The following ATAD2 variants were observed in gnomAD, a reference collection of about 807,000 sequenced individuals.
ATAD2 encodes the protein ATPase family AAA domain containing 2.
A neutral mutation model predicts 168.9 loss-of-function variants in ATAD2; 62 were observed. That is an observed-to-expected ratio of 0.37 (90% confidence interval 0.30 to 0.45). The LOEUF is 0.45. ATAD2 is among the 20% of genes least tolerant of loss of function. The probability of loss-of-function intolerance (pLI) is 1.00; values close to 1 mark genes in which losing one functional copy is unlikely to be tolerated. For missense variants in ATAD2, 1,419 were observed against 1,667.8 expected, an observed-to-expected ratio of 0.85 and a Z score of 2.60; for synonymous variants, 613 against 571.6, an observed-to-expected ratio of 1.07 and a Z score of -1.03.
intron 26 of ATAD2, 77 bp downstream of exon 26, chr8:123,325,816 A>C: frequency 6.5e-7 from 1 of 1,529,744 alleles, no homozygotes; most frequent in Non-Finnish European, 8.9e-7. Context: ...ATGTAGCCAG[A>C]ATGCTACTAG....
chr8:123,371,859 TAAATAG>T (rs752191420), intron 3 of ATAD2, 24 bp from the exon 4 acceptor site: 1 of 1,523,756 alleles, frequency 6.6e-7, no homozygotes, highest in Non-Finnish European at 8.8e-7. Flanking sequence ...TACATAAAAA[TAAATAG>T]AAACATTTGA....
intron 1 of ATAD2, among the ~76,000 whole-genome samples, chr8:123,410,848 A>G (rs1813144217): frequency 1.3e-5 from 2 of 152,280 alleles, no homozygotes; most frequent in East Asian, 1.9e-4. Flanking sequence ...TGTGCTCCTG[A>G]TCCAGCGAGG....
chr8:123,377,351 C>T (rs1368716447), intron 2 of ATAD2, among the ~76,000 whole-genome samples: 1 of 151,946 alleles, frequency 6.6e-6, no homozygotes, highest in African/African-American at 2.4e-5. Context: ...CAAGTCATTC[C>T]TCTTTAAATC....
chr8:123,389,317 C>T (rs1458394808), intron 1 of ATAD2, among the ~76,000 whole-genome samples: 1 of 149,196 alleles, frequency 6.7e-6, no homozygotes, highest in East Asian at 2.0e-4. Context: ...GACAAGCAGT[C>T]CCAACCTCTT....
upstream of ATAD2, among the ~76,000 whole-genome samples, chr8:123,399,362 G>C (rs956502232): frequency 6.6e-5 from 10 of 152,126 alleles, no homozygotes; most frequent in Non-Finnish European, 1.5e-5. Context: ...TCTAAGCATA[G>C]TTAGAGGTGC....
chr8:123,346,878 G>A, intron 16 of ATAD2, 128 bp from the exon 17 acceptor site: 3 of 1,144,902 alleles, frequency 2.6e-6, no homozygotes, highest in Non-Finnish European at 3.7e-6. Flanking sequence ...GTGTAGATAT[G>A]AATTAATAAG....
chr8:123,374,286 G>A (rs1586893354), intron 2 of ATAD2, among the ~76,000 whole-genome samples: 1 of 152,194 alleles, frequency 6.6e-6, no homozygotes, highest in South Asian at 2.1e-4. Flanking sequence ...CTGGGAGGCA[G>A]TGGCTGCACT....
At chr8:123,334,356 T>C (rs745694293) in intron 22 of ATAD2, 34 bp from the exon 23 acceptor site, 70 of 1,466,716 alleles carry the variant, frequency 4.8e-5, no homozygotes, top group Non-Finnish European at 6.3e-5. Context: ...ATTTTTAATT[T>C]CCCCCTTTTA....
At chr8:123,328,692 T>C in intron 24 of ATAD2, 113 bp from the exon 25 acceptor site, 1 of 1,104,244 alleles carries the variant, frequency 9.1e-7, no homozygotes, top group Non-Finnish European at 1.2e-6. Flanking sequence ...CACAGTATTT[T>C]GTATGATTAA....
At chr8:123,354,816 C>A (rs1211638814) in intron 13 of ATAD2, among the ~76,000 whole-genome samples, 2 of 99,740 alleles carry the variant, frequency 2.0e-5, no homozygotes, top group South Asian at 3.7e-4. Context: ...CCAGCCTGGG[C>A]AACAGAGCAA....
Position 123,402,169 on chromosome 8 carries a change from C to A in ATAD2, c.-2281-994G>T. 3 of 683,862 alleles carry A rather than the reference C, an allele frequency of 4.4e-6. No individual in the cohort carries two copies. The highest frequency in any genetic ancestry group is 2.7e-5 in the East Asian group (1 of 36,914). 42.4% of individuals were successfully genotyped at this position (683,862 alleles called of 1,614,324 possible). A position where few individuals can be genotyped will look rare whatever the true frequency, so the allele number is the denominator to read the frequency against. On this transcript the variant is annotated intron_variant, in intron 1 of 28. Transcript: ENST00000521903. The surrounding 1 kb of genome is among the most constrained non-coding windows in gnomAD (Gnocchi z 4.8). Reference sequence around the variant, plus strand: ...CCCCAGTGTCCACCTTCGGGCATAGCCTCCCTCCATCACTGAGTGGTCCAC... The same window carrying A: ...CCCCAGTGTCCACCTTCGGGCATAGACTCCCTCCATCACTGAGTGGTCCAC...
chr8:123,336,313 AC>A, intron 22 of ATAD2, 59 bp downstream of exon 22: 12 of 1,439,134 alleles, frequency 8.3e-6, no homozygotes, highest in Non-Finnish European at 1.1e-5. Flanking sequence ...ACAAAAATCA[AC>A]CCTAAGTGTT....
upstream of ATAD2, chr8:123,401,064 C>T (rs1486264958): frequency 2.5e-5 from 39 of 1,572,878 alleles, 1 homozygote; most frequent in Middle Eastern, 4.5e-4. Context: ...CCCGAGACAT[C>T]GACTTTCTTG....
intron 1 of ATAD2, among the ~76,000 whole-genome samples, chr8:123,406,914 T>C (rs1203290812): frequency 1.3e-5 from 2 of 152,024 alleles, no homozygotes; most frequent in East Asian, 3.8e-4. Context: ...CCTCCCCTTG[T>C]GAATGTGATC....
At chr8:123,327,438 A>C (rs1827643941) in intron 25 of ATAD2, among the ~76,000 whole-genome samples, 1 of 152,168 alleles carries the variant, frequency 6.6e-6, no homozygotes, top group Admixed American at 6.5e-5. Context: ...TATTATTGCT[A>C]ATTACTCAAA....
intron 19 of ATAD2, among the ~76,000 whole-genome samples, chr8:123,341,182 T>A (rs1333882424): frequency 6.6e-6 from 1 of 152,188 alleles, no homozygotes; most frequent in African/African-American, 2.4e-5. Flanking sequence ...GGTATTAAAA[T>A]ATTTTACCCA....
In ATAD2 at chr8:123,346,636, T is replaced by A. The variant is rs1235595256; in HGVS notation, c.2327A>T (p.Asn776Ile). 1 of 1,564,710 alleles carries A rather than the reference T, an allele frequency of 6.4e-7. No homozygotes were observed. Among genetic ancestry groups the A allele is most frequent in the African/African-American group, 1.4e-5 (1 of 72,532 alleles). Residue 776 changes from asparagine to isoleucine, a missense_variant, in exon 17 of 28, where the codon AAT (asparagine) becomes ATT (isoleucine). Asn to Ile is a moderately radical substitution (Grantham distance 149, BLOSUM62 -3). Around this residue, in one of 5 missense-constraint regions of ATAD2, gnomAD observed 545 missense variants for 724.9 expected, o/e 0.75. Transcript: ENST00000287394. ...KSSHKAKDNF[N>I]FLHLNRNACY... The stretch of plus-strand genomic sequence containing the variant: ...AATATACCTATTCAAATGAAGAAAA[T>A]TAAAATTGTCTTTTGCCTTATGAGA...
chr8:123,356,627 ACTT>A, intron 12 of ATAD2, 150 bp from the exon 13 acceptor site: 1 of 386,944 alleles, frequency 2.6e-6, no homozygotes, highest in Non-Finnish European at 4.2e-6. Context: ...TTTTCTTCAA[ACTT>A]ACTTACCAGA....
chr8:123,329,991 T>A (rs1184250481), intron 24 of ATAD2, among the ~76,000 whole-genome samples: 1 of 141,816 alleles, frequency 7.1e-6, no homozygotes, highest in East Asian at 2.0e-4. Flanking sequence ...CTTTTTTTTT[T>A]TTTTTTTTTT....
Sources: gnomAD v4.1 joint callset for allele counts (sites outside exome capture counted in the v4.1 genomes callset) on GRCh38, gnomAD v4.1.1 for gene constraint, gnomAD v4.1.1 regional missense constraint, Gnocchi (gnomAD v3.1) non-coding constraint, MANE v1.5 for transcripts, NCBI Gene and HGNC (gene_info 2026-07-23, HGNC 2026-07-21) for gene names.